Variants in NIBAN3 observed in about 807,000 individuals in gnomAD.
The protein encoded by NIBAN3 is niban apoptosis regulator 3.
A neutral mutation model predicts 76.4 loss-of-function variants in NIBAN3; 66 were observed. The ratio of observed to expected loss-of-function variants is 0.86; its 90% CI spans 0.71 to 1.06. The LOEUF (loss-of-function observed/expected upper bound fraction) is 1.06, where lower values mean the gene tolerates loss of function less well. NIBAN3 is among the 50% of genes least tolerant of loss of function. NIBAN3 has a pLI of 0.00. For missense variants in NIBAN3, 808 were observed against 810.7 expected (o/e 1.00, Z 0.04); for synonymous variants, 360 against 355.2 (o/e 1.01, Z -0.15).
intron 14 of NIBAN3, chr19:17,549,827 T>TC (rs1294045561): frequency 7.3e-5 from 18 of 248,266 alleles, no homozygotes; most frequent in African/African-American, 3.8e-4. Flanking sequence ...TCTCTCTCTC[T>TC]TTTTTTTTTT....
chr19:17,552,064 G>GT lies in NIBAN3; in HGVS notation c.*166_*167insT, dbSNP rs2076166022. 5.1e-5 allele frequency: 22 copies of GT among 427,504 alleles called. No homozygotes were observed. Among genetic ancestry groups the GT allele is most frequent in the Non-Finnish European group, 8.3e-5 (20 of 240,674 alleles). The allele number at this position is 427,504 out of a possible 1,614,324, so 26.5% of individuals were successfully genotyped here. A position where few individuals can be genotyped will look rare whatever the true frequency, so the allele number is the denominator to read the frequency against. On this transcript the variant is annotated 3_prime_UTR_variant, in exon 15 of 15. Transcript: ENST00000599164. ...GCATTTATTTGTGTATTTTCCCCAA[G>GT]GCTTTCTTTATTTTAATTTTTTTTT...
At chr19:17,551,477 G>A (rs560187305) in intron 14 of NIBAN3, among the ~76,000 whole-genome samples, 23 of 151,080 alleles carry the variant, frequency 1.5e-4, no homozygotes, top group Non-Finnish European at 2.7e-4. Flanking sequence ...GCGCGATCTC[G>A]GCTAACTGCA....
chr19:17,555,033 C>T (rs998013470), downstream of NIBAN3, among the ~76,000 whole-genome samples: 2 of 151,932 alleles, frequency 1.3e-5, no homozygotes, highest in Non-Finnish European at 2.9e-5. Context: ...GAAAACATGG[C>T]CCTTGTCTCT....
At chr19:17,550,747 C>T (rs991027181) in intron 14 of NIBAN3, among the ~76,000 whole-genome samples, 3 of 151,796 alleles carry the variant, frequency 2.0e-5, no homozygotes, top group African/African-American at 7.3e-5. Context: ...TGTAGATGGG[C>T]CCCTGAATTT....
rs547350731 is a variant in NIBAN3 at position 17,527,880 on chromosome 19, G to A, written c.55+485G>A. 3.3e-5 allele frequency among the ~76,000 whole-genome samples: 5 copies of A among 152,056 alleles called. No individual in the cohort carries two copies. The East Asian group carries it at 5.8e-4, about 18-fold the overall frequency. ...CTAATTTTTTATTTGTTTTCGTAGCGACAGGGTCTCACTATGTTGCCCAGG... is the reference window on the plus strand; with the variant it reads ...CTAATTTTTTATTTGTTTTCGTAGCAACAGGGTCTCACTATGTTGCCCAGG... On this transcript the variant is annotated intron_variant, in intron 1 of 14. Coordinates refer to ENST00000599164, the MANE Select transcript of NIBAN3 (RefSeq NM_001321827.2).
rs759528457 is a variant in NIBAN3, at chr19:17,549,436, C to T, written c.1667-8C>T. 6.2e-7 allele frequency: 1 copy of T among 1,607,216 alleles called. No individual in the cohort carries two copies. Among genetic ancestry groups the T allele is most frequent in the Non-Finnish European group, 8.5e-7 (1 of 1,174,480 alleles). On this transcript the variant is annotated splice_region_variant and splice_polypyrimidine_tract_variant and intron_variant, in intron 13 of 14. Transcript: ENST00000599164. ...CCCAGGTGTGTCCAAGAGTTCATCT[C>T]ATTTCAGAATTGAAAAAGACCCTTG...
rs1366018039 is a variant in NIBAN3 at position 17,531,713 on chromosome 19, T to G, written c.187-550T>G. Among the ~76,000 whole-genome samples, 4 of 152,168 alleles carry G rather than the reference T, an allele frequency of 2.6e-5. No individual in the cohort carries two copies. In the East Asian group the frequency reaches 7.7e-4, roughly 29 times the overall value. On this transcript the variant is annotated intron_variant, in intron 2 of 14. Coordinates refer to ENST00000599164, the MANE Select transcript of NIBAN3 (RefSeq NM_001321827.2). ...CATGCCTGGGTAATTTTTGTATTTTTGGTAGAGACGGGGTTTCACCATGTT... is the reference window on the plus strand; with the variant it reads ...CATGCCTGGGTAATTTTTGTATTTTGGGTAGAGACGGGGTTTCACCATGTT...
intron 3 of NIBAN3, among the ~76,000 whole-genome samples, chr19:17,533,303 G>A (rs368497768): frequency 4.6e-5 from 7 of 152,020 alleles, no homozygotes; most frequent in Non-Finnish European, 8.8e-5. Context: ...CCAGCTACTC[G>A]GGAGGCTGAG....
At chr19:17,543,751 G>A in intron 12 of NIBAN3, 120 bp downstream of exon 12, 1 of 782,004 alleles carries the variant, frequency 1.3e-6, no homozygotes, top group Admixed American at 2.6e-5. Context: ...CCAGCAATTT[G>A]GGAGGCCAAG....
chr19:17,536,817 G>A (rs148457675), intron 4 of NIBAN3, among the ~76,000 whole-genome samples: 1 of 152,218 alleles, frequency 6.6e-6, no homozygotes, highest in African/African-American at 2.4e-5. Flanking sequence ...TCATAGAGCT[G>A]TGTGCCCTAG....
At chr19:17,530,028 T>C (rs1385346676) in intron 1 of NIBAN3, among the ~76,000 whole-genome samples, 1 of 148,536 alleles carries the variant, frequency 6.7e-6, no homozygotes, top group Non-Finnish European at 1.5e-5. Context: ...ACCACTGCAC[T>C]CCAGCCTGGG....
At chr19:17,527,469 A>G in intron 1 of NIBAN3, 74 bp downstream of exon 1, 1 of 1,416,030 alleles carries the variant, frequency 7.1e-7, no homozygotes, top group Non-Finnish European at 9.3e-7. Flanking sequence ...CACATGCTCC[A>G]TGCAGCAGAT....
intron 1 of NIBAN3, among the ~76,000 whole-genome samples, chr19:17,528,894 G>A (rs867762484): frequency 6.6e-6 from 1 of 151,900 alleles, no homozygotes; most frequent in South Asian, 2.1e-4. Flanking sequence ...TGAGAATGAT[G>A]GGAGAGAGCT....
chr19:17,529,293 ATT>A (rs57168507), intron 1 of NIBAN3, among the ~76,000 whole-genome samples: 7 of 147,192 alleles, frequency 4.8e-5, no homozygotes, highest in African/African-American at 1.7e-4. Flanking sequence ...CAAGATAAGG[ATT>A]TTTTTTTTTT....
chr19:17,544,211 A>T (rs2076008781), intron 12 of NIBAN3, among the ~76,000 whole-genome samples: 1 of 150,154 alleles, frequency 6.7e-6, no homozygotes, highest in African/African-American at 2.5e-5. Context: ...TGGGAGGATC[A>T]ATTGAGCCTA....
Position 17,539,603 on chromosome 19 carries a change from C to A in NIBAN3, c.817C>A (p.Leu273Ile). The part of the protein sequence containing the change: ...GRARAWAWTE[L>I]LDAVHAAVLA... The stretch of plus-strand genomic sequence containing the variant: ...GTCCCCCCTCGACCGGTCTGGGCAG[C>A]TTCTAGACGCCGTTCACGCAGCTGT... Residue 273 changes from leucine to isoleucine, a missense_variant and splice_region_variant, in exon 8 of 15, where the codon CTT becomes ATT. By Grantham distance (5) the Leu-to-Ile change is conservative. Transcript: ENST00000599164. 6.5e-7 allele frequency: 1 copy of A among 1,548,554 alleles called. No individual in the cohort carries two copies. Among genetic ancestry groups the A allele is most frequent in the Non-Finnish European group, 8.8e-7 (1 of 1,141,824 alleles).
intron 8 of NIBAN3, chr19:17,540,154 AG>A: frequency 2.5e-6 from 1 of 400,266 alleles, no homozygotes. Flanking sequence ...ACAGCGGAGG[AG>A]GGGCGGGGGT....
Position 17,543,367 on chromosome 19 carries a change from G to C in NIBAN3, c.1380G>C (p.Leu460=), listed in dbSNP as rs1336775933. The change falls in exon 11 of 15, where the codon CTG becomes CTC. Residue 460 remains leucine (L), a synonymous_variant. Transcript: ENST00000599164. ...ATFLQLADQC[L]TTALNCDQAA... ...TCCTGCAGCTGGCTGACCAGTGTCT[G>C]ACGACGGCCCTCAACTGTGACCAGG... 6.3e-7 allele frequency: 1 copy of C among 1,597,386 alleles called. No homozygotes were observed. The highest frequency in any genetic ancestry group is 8.6e-7 in the Non-Finnish European group (1 of 1,168,800).
At chr19:17,539,089 C>CG (rs1256113855) in intron 5 of NIBAN3, 61 bp from the exon 6 acceptor site, 1 of 1,443,794 alleles carries the variant, frequency 6.9e-7, no homozygotes, top group East Asian at 2.5e-5. Flanking sequence ...GCTTCCTCCC[C>CG]GGGCCATCGG....
Sources: allele counts gnomAD v4.1 joint callset (sites outside exome capture counted in the v4.1 genomes callset), GRCh38; gene constraint gnomAD v4.1.1; transcripts MANE v1.5; gene names NCBI Gene and HGNC (gene_info 2026-07-23, HGNC 2026-07-21).